DIP2C: variants seen among roughly 807,000 people sequenced by gnomAD.
The protein encoded by DIP2C is DIP2 acetate--CoA ligase C (putative), also known as disco-interacting protein 2 homolog C.
Under a neutral mutation model 192.4 loss-of-function variants are expected in DIP2C, and 33 were observed. The observed-to-expected ratio is 0.17, with a 90% CI of 0.13 to 0.23. The LOEUF is 0.23. DIP2C is among the 10% of genes least tolerant of loss of function. DIP2C has a pLI of 1.00. For missense variants in DIP2C, 1,537 were observed against 2,110.1 expected, an observed-to-expected ratio of 0.73 and a Z score of 5.32; for synonymous variants, 979 against 864.1, an observed-to-expected ratio of 1.13 and a Z score of -2.33.
chr10:573,437 C>A (rs943784704), intron 1 of DIP2C, among the ~76,000 whole-genome samples: 1 of 152,214 alleles, frequency 6.6e-6, no homozygotes, highest in Non-Finnish European at 1.5e-5. Context: ...CGGACAGGGT[C>A]GCCCTCTGTC....
rs115903789 is a variant in DIP2C, at chr10:681,524, G to T, written c.85+7970C>A. Reference sequence around the variant, plus strand: ...CCACCTGCGGCCACAGAAATTCCAGGGAATGCAGCCCCTCAGTTACATGGT... The same window carrying T: ...CCACCTGCGGCCACAGAAATTCCAGTGAATGCAGCCCCTCAGTTACATGGT... On this transcript the variant is annotated intron_variant, in intron 1 of 36. Transcript: ENST00000280886. 3.0e-3 allele frequency among the ~76,000 whole-genome samples: 449 copies of T among 152,026 alleles called. 3 individuals carry two copies. Among genetic ancestry groups the T allele is most frequent in the African/African-American group, 0.01 (428 of 41,434 alleles).
chr10:646,874 G>C (rs544694462), intron 1 of DIP2C, among the ~76,000 whole-genome samples: 2 of 152,234 alleles, frequency 1.3e-5, no homozygotes, highest in Admixed American at 1.3e-4. Context: ...ACACAGACTC[G>C]GTTGGTAATT....
intron 1 of DIP2C, among the ~76,000 whole-genome samples, chr10:661,844 A>C (rs1252465014): frequency 6.6e-6 from 1 of 152,154 alleles, no homozygotes; most frequent in Non-Finnish European, 1.5e-5. Flanking sequence ...AGTATCTCTG[A>C]ATCAGGTCCA....
chr10:446,729 TCAAA>T (rs760375464), intron 3 of DIP2C, among the ~76,000 whole-genome samples: 5 of 152,216 alleles, frequency 3.3e-5, no homozygotes, highest in East Asian at 1.9e-4. Flanking sequence ...AGGGCCCTTA[TCAAA>T]CAGAGAAAGA....
chr10:401,779 T>C (rs191787940), intron 9 of DIP2C, among the ~76,000 whole-genome samples: 5 of 150,970 alleles, frequency 3.3e-5, no homozygotes, highest in Admixed American at 3.3e-4. Context: ...TACTCTTCCT[T>C]ATGGACAAGT....
chr10:424,354 G>GTTTTTTTTTTTTTTTTT (rs1564695965), intron 4 of DIP2C, among the ~76,000 whole-genome samples: 1 of 121,028 alleles, frequency 8.3e-6, no homozygotes. Context: ...TATCACCTTG[G>GTTTTTTTTTTTTTTTTT]GTTTTTTTTT....
intron 23 of DIP2C, 35 bp downstream of exon 23, chr10:357,793 G>T: frequency 6.5e-7 from 1 of 1,537,138 alleles, no homozygotes; most frequent in Non-Finnish European, 9.0e-7. Context: ...GAAAAGTCGG[G>T]GACGGTCGGG....
intron 32 of DIP2C, among the ~76,000 whole-genome samples, chr10:301,379 G>A (rs1956037778): frequency 6.6e-6 from 1 of 152,238 alleles, no homozygotes; most frequent in Admixed American, 6.5e-5. Context: ...AGGGCCTTAA[G>A]CAGACGGTAG....
intron 19 of DIP2C, among the ~76,000 whole-genome samples, chr10:365,868 G>C (rs1025461023): frequency 6.6e-6 from 1 of 152,208 alleles, no homozygotes; most frequent in African/African-American, 2.4e-5. Context: ...CCGTAAAGGG[G>C]CTCTAGTTGG....
At chr10:548,216 C>CCT (rs1554897839) in intron 1 of DIP2C, among the ~76,000 whole-genome samples, 4 of 127,948 alleles carry the variant, frequency 3.1e-5, no homozygotes, top group Non-Finnish European at 5.3e-5. Context: ...CCACCCCCCC[C>CCT]CCCACAGGAA....
At chr10:560,765 C>T (rs12265680) in intron 1 of DIP2C, among the ~76,000 whole-genome samples, 7,160 of 152,186 alleles carry the variant, frequency 0.047, 216 homozygotes, top group East Asian at 0.078. Flanking sequence ...TTGGCAAGGG[C>T]ATTCCAAAGC....
chr10:581,607 T>TGGG (rs1276831564), intron 1 of DIP2C, among the ~76,000 whole-genome samples: 1 of 151,774 alleles, frequency 6.6e-6, no homozygotes, highest in Non-Finnish European at 1.5e-5. Context: ...CTTGAAGTAA[T>TGGG]GGGTTCCATT....
Position 681,093 on chromosome 10 carries a change from GCCA to G in DIP2C, c.85+8398_85+8400del, listed in dbSNP as rs555877732. Among the ~76,000 whole-genome samples, 14 of 151,718 alleles carry G rather than the reference GCCA, an allele frequency of 9.2e-5. No homozygotes were observed. In the South Asian group the frequency reaches 2.9e-3, roughly 32 times the overall value. Reference sequence around the variant, plus strand: ...ATGCAGGCCCCAGTTGCATGGTACAGCCACCATCTATGGCCACAGAAATTCCGA... The same window carrying G: ...ATGCAGGCCCCAGTTGCATGGTACAGCCATCTATGGCCACAGAAATTCCGA... On this transcript the variant is annotated intron_variant, in intron 1 of 36. Coordinates refer to ENST00000280886, the MANE Select transcript of DIP2C (RefSeq NM_014974.3).
At chr10:489,568 C>G (rs906308982) in intron 1 of DIP2C, among the ~76,000 whole-genome samples, 2 of 151,916 alleles carry the variant, frequency 1.3e-5, no homozygotes, top group Non-Finnish European at 2.9e-5. Context: ...TCTGACAGTG[C>G]CTGGTGCTTC....
intron 29 of DIP2C, among the ~76,000 whole-genome samples, chr10:339,010 G>A (rs530839093): frequency 5.6e-4 from 85 of 151,576 alleles, no homozygotes; most frequent in African/African-American, 1.8e-3. Flanking sequence ...CCCCTCCTCC[G>A]ACGTGGGCTT....
chr10:476,671 C>G (rs941293028), intron 2 of DIP2C, among the ~76,000 whole-genome samples: 89 of 152,216 alleles, frequency 5.8e-4, no homozygotes, highest in South Asian at 8.3e-4. Context: ...CCTCCACACC[C>G]TCTCCTGAGA....
intron 13 of DIP2C, among the ~76,000 whole-genome samples, chr10:389,447 A>G (rs1322005698): frequency 1.3e-5 from 2 of 152,078 alleles, no homozygotes; most frequent in African/African-American, 4.8e-5. Context: ...GGGAAGGAAA[A>G]CACATCACGA....
chr10:313,964 T>C (rs565198891), intron 31 of DIP2C, among the ~76,000 whole-genome samples: 13 of 152,300 alleles, frequency 8.5e-5, no homozygotes, highest in African/African-American at 3.1e-4. Flanking sequence ...CATAGGGCTA[T>C]AGTAAATAGA....
At chr10:451,667 T>C (rs527268552) in intron 3 of DIP2C, among the ~76,000 whole-genome samples, 2 of 152,364 alleles carry the variant, frequency 1.3e-5, no homozygotes, top group Admixed American at 1.3e-4. Flanking sequence ...TGACAACGTA[T>C]TGTTTTTTGT....
Sources: gnomAD v4.1 joint callset for allele counts (sites outside exome capture counted in the v4.1 genomes callset) on GRCh38, gnomAD v4.1.1 for gene constraint, MANE v1.5 for transcripts, NCBI Gene and HGNC (gene_info 2026-07-23, HGNC 2026-07-21) for gene names.